Variants in ERBB4 observed in about 807,000 individuals in gnomAD.
The protein encoded by ERBB4 is receptor tyrosine-protein kinase erbB-4.
Under a neutral mutation model 158.0 loss-of-function variants are expected in ERBB4, and 42 were observed. The ratio of observed to expected loss-of-function variants is 0.27; its 90% CI spans 0.21 to 0.34. ERBB4 has a LOEUF of 0.34. Among genes scored for constraint, ERBB4 ranks in the 10% least tolerant of loss-of-function variants. The probability of loss-of-function intolerance (pLI) is 1.00; values close to 1 mark genes in which losing one functional copy is unlikely to be tolerated. For missense variants in ERBB4, 1,333 were observed against 1,624.1 expected, an observed-to-expected ratio of 0.82 and a Z score of 3.08; for synonymous variants, 583 against 558.7, an observed-to-expected ratio of 1.04 and a Z score of -0.61.
intron 2 of ERBB4, among the ~76,000 whole-genome samples, chr2:211,971,817 T>C (rs868681040): frequency 2.0e-5 from 3 of 151,952 alleles, no homozygotes; most frequent in Non-Finnish European, 4.4e-5. Flanking sequence ...TATTAATATC[T>C]CAATAGAAGC....
At chr2:212,224,468 T>G (rs1326938458) in intron 1 of ERBB4, among the ~76,000 whole-genome samples, 1 of 151,720 alleles carries the variant, frequency 6.6e-6, no homozygotes, top group Non-Finnish European at 1.5e-5. Context: ...TAAATAAAAA[T>G]GAAACCCAAT....
At chr2:212,397,966 C>CAA (rs2106454386) in intron 1 of ERBB4, among the ~76,000 whole-genome samples, 1 of 151,820 alleles carries the variant, frequency 6.6e-6, no homozygotes, top group South Asian at 2.1e-4. Flanking sequence ...ACGGCCATTT[C>CAA]AAAAGTGTCA....
chr2:212,264,252 C>T (rs1007584495), intron 1 of ERBB4, among the ~76,000 whole-genome samples: 6 of 152,002 alleles, frequency 3.9e-5, no homozygotes, highest in South Asian at 2.1e-4. Flanking sequence ...TGTAGCTATG[C>T]GCCTGGCTTT....
rs1559317865 is a variant in ERBB4, at chr2:211,580,889, A to ATTTT, written c.2302-18802_2302-18801insAAAA. Among the ~76,000 whole-genome samples, 10 of 73,122 alleles carry ATTTT rather than the reference A, an allele frequency of 1.4e-4. 3 individuals are homozygous for ATTTT. The highest frequency in any genetic ancestry group is 8.6e-4 in the African/African-American group (10 of 11,664). 48.0% of individuals were successfully genotyped at this position (73,122 alleles called of 152,430 possible). On this transcript the variant is annotated intron_variant, in intron 19 of 27. Coordinates refer to ENST00000342788, the MANE Select transcript of ERBB4 (RefSeq NM_005235.3). Reference sequence around the variant, plus strand: ...TACATATATATATATATATATATATATATATATATATATATATATATATAT... The same window carrying ATTTT: ...TACATATATATATATATATATATATATTTTTATATATATATATATATATATATAT...
Position 212,511,689 on chromosome 2 carries a change from G to T in ERBB4, c.82+26760C>A, listed in dbSNP as rs75006982. Among the ~76,000 whole-genome samples the T allele has an allele frequency of 2.6e-5, 4 of 152,216 alleles. No homozygotes were observed. The East Asian group carries it at 7.7e-4, about 29-fold the overall frequency. On this transcript the variant is annotated intron_variant, in intron 1 of 27. Coordinates refer to ENST00000342788, the MANE Select transcript of ERBB4 (RefSeq NM_005235.3). ...TAAAGGAAGAGGAATATATTTGAAT[G>T]AATCTGCTACTTAGGTAACTGAACA...
chr2:212,329,763 T>C (rs2088042544), intron 1 of ERBB4, among the ~76,000 whole-genome samples: 4 of 152,088 alleles, frequency 2.6e-5, no homozygotes, highest in Admixed American at 2.6e-4. Flanking sequence ...GAAAAGCATG[T>C]TGTCTAAATA....
intron 3 of ERBB4, among the ~76,000 whole-genome samples, chr2:211,936,904 G>T (rs1363955826): frequency 6.6e-6 from 1 of 152,066 alleles, no homozygotes; most frequent in African/African-American, 2.4e-5. Context: ...CAGATAAATG[G>T]AAAATTCTAT....
At position 211,893,545 on chromosome 2, in the gene ERBB4, C is replaced by T. The variant is rs185527699; in HGVS notation, c.421+53885G>A. Among the ~76,000 whole-genome samples the T allele has an allele frequency of 4.3e-3, 614 of 142,190 alleles. 25 individuals carry two copies. The East Asian group carries it at 0.048, about 11-fold the overall frequency. The allele number at this position is 142,190 out of a possible 152,430, so 93.3% of individuals were successfully genotyped here. A position where few individuals can be genotyped will look rare whatever the true frequency, so the allele number is the denominator to read the frequency against. ...ACACCAAAAGCAATGGCAACAAAAG[C>T]CTAAATTGACAAATGGGATCTAATT... On this transcript the variant is annotated intron_variant, in intron 3 of 27. Transcript: ENST00000342788.
At chr2:212,174,912 C>T (rs1302910186) in intron 1 of ERBB4, among the ~76,000 whole-genome samples, 1 of 152,074 alleles carries the variant, frequency 6.6e-6, no homozygotes, top group East Asian at 1.9e-4. Context: ...CTACTATTTA[C>T]AGGTTCATCT....
intron 7 of ERBB4, among the ~76,000 whole-genome samples, chr2:211,718,655 A>G (rs2073999226): frequency 6.6e-6 from 1 of 152,186 alleles, no homozygotes; most frequent in Admixed American, 6.5e-5. Flanking sequence ...ACCATCATTC[A>G]TAACACTAAA....
intron 3 of ERBB4, among the ~76,000 whole-genome samples, chr2:211,819,874 G>A (rs1224297508): frequency 6.6e-6 from 1 of 151,868 alleles, no homozygotes; most frequent in African/African-American, 2.4e-5. Context: ...TTTTGTTTAA[G>A]TTGTGATAGT....
At chr2:211,808,199 C>A (rs1339360174) in intron 3 of ERBB4, among the ~76,000 whole-genome samples, 2 of 152,164 alleles carry the variant, frequency 1.3e-5, no homozygotes, top group Non-Finnish European at 2.9e-5. Context: ...GAAGTCCTTG[C>A]CCATGCCTAT....
chr2:211,437,471 T>C (rs2063879860), intron 20 of ERBB4, among the ~76,000 whole-genome samples: 1 of 152,216 alleles, frequency 6.6e-6, no homozygotes, highest in Admixed American at 6.5e-5. Flanking sequence ...AACCTAGCCA[T>C]GACCTTCTTT....
chr2:211,960,010 T>C (rs2081139128), intron 2 of ERBB4, among the ~76,000 whole-genome samples: 1 of 152,058 alleles, frequency 6.6e-6, no homozygotes, highest in African/African-American at 2.4e-5. Context: ...AGTGGATACA[T>C]TTGCCTGAGG....
At chr2:212,164,976 T>TTTTTTTTTTTTTTTTTTTTTTTTGAG (rs2081304709) in intron 1 of ERBB4, among the ~76,000 whole-genome samples, 1 of 151,880 alleles carries the variant, frequency 6.6e-6, no homozygotes, top group African/African-American at 2.4e-5. Context: ...TTCGCATTTT[T>TTTTTTTTTTTTTTTTTTTTTTTTGAG]AATTGTCAAG....
intron 19 of ERBB4, among the ~76,000 whole-genome samples, chr2:211,610,022 A>G (rs2069133491): frequency 6.6e-6 from 1 of 152,106 alleles, no homozygotes; most frequent in African/African-American, 2.4e-5. Flanking sequence ...TGTAAAGTAG[A>G]CGCTTTTGTA....
At chr2:211,638,270 C>G (rs2070435856) in intron 16 of ERBB4, among the ~76,000 whole-genome samples, 2 of 151,982 alleles carry the variant, frequency 1.3e-5, no homozygotes, top group Admixed American at 6.6e-5. Flanking sequence ...TCAGCCTTCC[C>G]CAAAACAGTT....
chr2:211,856,552 AT>A (rs34483242), intron 3 of ERBB4, among the ~76,000 whole-genome samples: 32,111 of 150,356 alleles, frequency 0.21, 3,602 homozygotes, highest in South Asian at 0.32. Context: ...CGCCCGGCTA[AT>A]TTTTTTTTTA....
Position 211,586,974 on chromosome 2 carries a change from A to G in ERBB4, c.2302-24886T>C, listed in dbSNP as rs1238434950. On this transcript the variant is annotated intron_variant, in intron 19 of 27. Transcript: ENST00000342788. ...AGAATGTGACCTTATTTCAAAATAT[A>G]GATGCTCCTCAACTTATGATTGGGT... Among the ~76,000 whole-genome samples, 3 of 152,304 alleles carry G rather than the reference A, an allele frequency of 2.0e-5. No individual in the cohort carries two copies. In the East Asian group the frequency reaches 5.8e-4, roughly 29 times the overall value.
Sources: allele counts gnomAD v4.1 joint callset (sites outside exome capture counted in the v4.1 genomes callset), GRCh38; gene constraint gnomAD v4.1.1; transcripts MANE v1.5; gene names NCBI Gene and HGNC (gene_info 2026-07-23, HGNC 2026-07-21).